MDGA2: variants seen among roughly 807,000 people sequenced by gnomAD.
MDGA2 encodes MAM domain-containing glycosylphosphatidylinositol anchor protein 2.
A neutral mutation model predicts 117.8 loss-of-function variants in MDGA2; 40 were observed. The observed-to-expected ratio is 0.34, with a 90% CI of 0.26 to 0.44. The LOEUF (loss-of-function observed/expected upper bound fraction) is 0.44, where lower values mean the gene tolerates loss of function less well. Ranked by LOEUF, MDGA2 falls within the 20% of genes least tolerant of loss-of-function variation. MDGA2 has a pLI of 1.00. For synonymous variants in MDGA2, 452 were observed against 439.0 expected (o/e 1.03, Z -0.37); for missense variants, 1,123 against 1,250.6 (o/e 0.90, Z 1.54).
chr14:46,862,221 T>C (rs532364434), intron 14 of MDGA2, among the ~76,000 whole-genome samples: 2 of 151,868 alleles, frequency 1.3e-5, no homozygotes, highest in Admixed American at 6.6e-5. Flanking sequence ...TTAATTCTCA[T>C]CTTTTGGTCA....
At chr14:47,530,285 G>A (rs547433485) in intron 1 of MDGA2, among the ~76,000 whole-genome samples, 6 of 152,208 alleles carry the variant, frequency 3.9e-5, no homozygotes, top group South Asian at 4.2e-4. Flanking sequence ...TACTCCCTTC[G>A]GAGAATTTCT....
intron 4 of MDGA2, among the ~76,000 whole-genome samples, chr14:47,132,258 A>G (rs1259645735): frequency 6.6e-6 from 1 of 151,934 alleles, no homozygotes; most frequent in Admixed American, 6.6e-5. Context: ...TGAGAAGACA[A>G]AAGAAAAGAA....
chr14:47,540,888 G>A (rs1186451196), intron 1 of MDGA2, among the ~76,000 whole-genome samples: 1 of 151,926 alleles, frequency 6.6e-6, no homozygotes, highest in African/African-American at 2.4e-5. Flanking sequence ...TATTTGATTG[G>A]TAATTATCTG....
chr14:47,140,917 T>TAATATCTAGAA (rs1882689873), intron 4 of MDGA2, among the ~76,000 whole-genome samples: 1 of 152,032 alleles, frequency 6.6e-6, no homozygotes, highest in African/African-American at 2.4e-5. Context: ...GATAAGAGGT[T>TAATATCTAGAA]AATATCTAGA....
At chr14:47,281,888 C>T (rs992436700) in intron 2 of MDGA2, among the ~76,000 whole-genome samples, 3 of 151,920 alleles carry the variant, frequency 2.0e-5, no homozygotes, top group Non-Finnish European at 4.4e-5. Context: ...GAAACTCCAT[C>T]TCTACTAAAA....
At chr14:47,462,331 G>T (rs1488547062) in intron 1 of MDGA2, among the ~76,000 whole-genome samples, 1 of 146,516 alleles carries the variant, frequency 6.8e-6, no homozygotes, top group African/African-American at 2.5e-5. Flanking sequence ...AGCCCAGATC[G>T]TGCCACTGCA....
intron 1 of MDGA2, among the ~76,000 whole-genome samples, chr14:47,652,437 T>C (rs1406534355): frequency 2.0e-5 from 3 of 152,148 alleles, no homozygotes; most frequent in African/African-American, 7.2e-5. Flanking sequence ...CACATGAATG[T>C]TCTTAAATGT....
chr14:47,066,495 G>A (rs189814257), intron 6 of MDGA2, among the ~76,000 whole-genome samples: 1 of 152,236 alleles, frequency 6.6e-6, no homozygotes, highest in African/African-American at 2.4e-5. Flanking sequence ...TGAACAAACA[G>A]CATCAACATG....
chr14:47,026,397 T>A (rs1404716152), intron 8 of MDGA2, among the ~76,000 whole-genome samples: 1 of 152,110 alleles, frequency 6.6e-6, no homozygotes, highest in Non-Finnish European at 1.5e-5. Flanking sequence ...TTGAATTTAT[T>A]TTTTTCTAAT....
intron 3 of MDGA2, among the ~76,000 whole-genome samples, chr14:47,163,501 T>A (rs764692145): frequency 2.6e-5 from 4 of 151,982 alleles, no homozygotes; most frequent in Non-Finnish European, 5.9e-5. Context: ...TGGGAGTTTC[T>A]TGAGCAGGCT....
intron 1 of MDGA2, among the ~76,000 whole-genome samples, chr14:47,576,751 G>T (rs1388657537): frequency 2.0e-5 from 3 of 152,022 alleles, no homozygotes; most frequent in African/African-American, 4.8e-5. Flanking sequence ...TCTATCTCTA[G>T]TCTGTGCATC....
intron 9 of MDGA2, among the ~76,000 whole-genome samples, chr14:46,923,675 G>C (rs1290425650): frequency 7.5e-6 from 1 of 133,186 alleles, no homozygotes; most frequent in Non-Finnish European, 1.6e-5. Flanking sequence ...CTGTGGAAAA[G>C]CTTTAAAAGG....
chr14:46,929,580 C>CGTGT lies in MDGA2; in HGVS notation c.2090-9424_2090-9421dup, dbSNP rs375013114. Among the ~76,000 whole-genome samples the CGTGT allele has an allele frequency of 7.7e-3, 255 of 32,988 alleles. 13 individuals are homozygous for CGTGT. The highest frequency in any genetic ancestry group is 0.023 in the African/African-American group (174 of 7,584). The allele number at this position is 32,988 out of a possible 152,430, so 21.6% of individuals were successfully genotyped here. On this transcript the variant is annotated intron_variant, in intron 9 of 16. Transcript: ENST00000399232. Reference sequence around the variant, plus strand: ...AATGTATATATATCAAGTATATATACGTGTGTGTGTGTGTGTGTGTGTATA... The same window carrying CGTGT: ...AATGTATATATATCAAGTATATATACGTGTGTGTGTGTGTGTGTGTGTGTGTATA...
chr14:47,154,051 CAT>C (rs1372763393), intron 3 of MDGA2, among the ~76,000 whole-genome samples: 1 of 151,936 alleles, frequency 6.6e-6, no homozygotes, highest in Non-Finnish European at 1.5e-5. Context: ...CTAACAAAAA[CAT>C]AAAAAATAAA....
chr14:47,494,859 T>C (rs781471277), intron 1 of MDGA2, among the ~76,000 whole-genome samples: 1 of 145,970 alleles, frequency 6.9e-6, no homozygotes, highest in Non-Finnish European at 1.5e-5. Flanking sequence ...AACTGTTGAC[T>C]GAATTTTAAA....
intron 2 of MDGA2, among the ~76,000 whole-genome samples, chr14:47,270,636 C>T (rs890581300): frequency 2.6e-5 from 4 of 152,172 alleles, no homozygotes; most frequent in Admixed American, 6.5e-5. Context: ...AGCTCTTTTA[C>T]GGTGTTTTTA....
intron 8 of MDGA2, among the ~76,000 whole-genome samples, chr14:46,972,943 G>T (rs1275924472): frequency 6.6e-6 from 1 of 152,020 alleles, no homozygotes; most frequent in Non-Finnish European, 1.5e-5. Flanking sequence ...TAAATGACCT[G>T]ATTTTTAAAA....
intron 1 of MDGA2, among the ~76,000 whole-genome samples, chr14:47,580,281 A>T (rs1459225400): frequency 1.3e-5 from 2 of 152,058 alleles, no homozygotes; most frequent in East Asian, 3.9e-4. Context: ...CCCACTCCTC[A>T]TAGATTTTTG....
chr14:47,214,229 C>A (rs1886003088), intron 3 of MDGA2, among the ~76,000 whole-genome samples: 1 of 152,068 alleles, frequency 6.6e-6, no homozygotes, highest in Non-Finnish European at 1.5e-5. Context: ...AAGCGATTTA[C>A]CCCAACAACA....
Sources: allele counts gnomAD v4.1 joint callset (sites outside exome capture counted in the v4.1 genomes callset), GRCh38; gene constraint gnomAD v4.1.1; transcripts MANE v1.5; gene names NCBI Gene and HGNC (gene_info 2026-07-23, HGNC 2026-07-21).